Variants in HPSE2 observed in about 807,000 individuals in gnomAD.
The protein encoded by HPSE2 is inactive heparanase-2.
A neutral mutation model predicts 60.5 loss-of-function variants in HPSE2; 38 were observed. The ratio of observed to expected loss-of-function variants is 0.63; its 90% CI spans 0.48 to 0.82. The LOEUF is 0.82. Among genes scored for constraint, HPSE2 ranks in the 40% least tolerant of loss-of-function variants. The pLI, the probability that HPSE2 is intolerant of heterozygous loss-of-function variation, is 0.00. For missense variants in HPSE2, 713 were observed against 740.4 expected, an observed-to-expected ratio of 0.96 and a Z score of 0.43; for synonymous variants, 295 against 293.2, an observed-to-expected ratio of 1.01 and a Z score of -0.06.
chr10:98,647,122 T>C (rs1263954976), intron 6 of HPSE2, among the ~76,000 whole-genome samples: 1 of 152,210 alleles, frequency 6.6e-6, no homozygotes, highest in Non-Finnish European at 1.5e-5. Flanking sequence ...AATTTCATTC[T>C]GGCCATTTAG....
At chr10:98,482,547 G>C in intron 11 of HPSE2, 89 bp downstream of exon 11, 1 of 1,526,014 alleles carries the variant, frequency 6.6e-7, no homozygotes, top group Non-Finnish European at 9.1e-7. Context: ...GCCCTTGAGA[G>C]AATTAGCAGC....
the HPSE2 span, among the ~76,000 whole-genome samples, chr10:99,304,970 C>A: frequency 6.6e-6 from 1 of 152,218 alleles, no homozygotes; most frequent in East Asian, 1.9e-4. Context: ...TGAATACTTA[C>A]TATTTAGGAA....
At chr10:99,006,640 T>C (rs1186360949) in intron 3 of HPSE2, among the ~76,000 whole-genome samples, 2 of 151,882 alleles carry the variant, frequency 1.3e-5, no homozygotes, top group East Asian at 2.0e-4. Flanking sequence ...GTTTGGTCTA[T>C]AGGTACCAGC....
At chr10:98,631,505 C>T (rs1452038111) in intron 7 of HPSE2, among the ~76,000 whole-genome samples, 1 of 152,198 alleles carries the variant, frequency 6.6e-6, no homozygotes, top group East Asian at 1.9e-4. Context: ...ACTTACAAGT[C>T]ATAGGTTCCA....
chr10:98,999,166 T>C (rs1956718735), intron 3 of HPSE2, among the ~76,000 whole-genome samples: 1 of 151,192 alleles, frequency 6.6e-6, no homozygotes, highest in South Asian at 2.1e-4. Context: ...CGTGTGTGTG[T>C]GTGTGTGTGT....
At chr10:99,153,515 A>G (rs569727506) in intron 2 of HPSE2, among the ~76,000 whole-genome samples, 1 of 151,970 alleles carries the variant, frequency 6.6e-6, no homozygotes, top group Non-Finnish European at 1.5e-5. Context: ...ACGGCAGGGT[A>G]TTCCAACAGA....
At chr10:98,847,277 C>A (rs1176067411) in intron 3 of HPSE2, among the ~76,000 whole-genome samples, 1 of 152,118 alleles carries the variant, frequency 6.6e-6, no homozygotes, top group Admixed American at 6.5e-5. Flanking sequence ...TAATTCTAAT[C>A]GTAATAGTAG....
intron 3 of HPSE2, among the ~76,000 whole-genome samples, chr10:98,997,668 T>C (rs917668001): frequency 6.6e-6 from 1 of 152,210 alleles, no homozygotes; most frequent in Non-Finnish European, 1.5e-5. Flanking sequence ...ATCCTAAGTG[T>C]TTTACAAACC....
intron 9 of HPSE2, among the ~76,000 whole-genome samples, chr10:98,576,041 T>C (rs1360938147): frequency 6.6e-6 from 1 of 152,186 alleles, no homozygotes; most frequent in East Asian, 1.9e-4. Context: ...CTTTTGTTTC[T>C]GAGTAGAATG....
chr10:98,671,202 G>C (rs1462740191), intron 6 of HPSE2, among the ~76,000 whole-genome samples: 1 of 152,086 alleles, frequency 6.6e-6, no homozygotes. Flanking sequence ...GGTTCTACAC[G>C]AGGAACATAA....
intron 2 of HPSE2, among the ~76,000 whole-genome samples, chr10:99,195,462 AC>A (rs1848363444): frequency 6.6e-6 from 1 of 152,034 alleles, no homozygotes; most frequent in Non-Finnish European, 1.5e-5. Context: ...TTGGAAAAAA[AC>A]AAAGACTCCA....
chr10:99,166,064 G>A (rs1419839702), intron 2 of HPSE2, among the ~76,000 whole-genome samples: 1 of 152,128 alleles, frequency 6.6e-6, no homozygotes, highest in Non-Finnish European at 1.5e-5. Context: ...TATACAATAT[G>A]TAGCCTTTGG....
intron 3 of HPSE2, among the ~76,000 whole-genome samples, chr10:99,112,189 C>A (rs1272021118): frequency 2.0e-5 from 3 of 152,182 alleles, no homozygotes; most frequent in African/African-American, 7.2e-5. Flanking sequence ...CTCCCTAATA[C>A]AGTAACAATA....
intron 2 of HPSE2, among the ~76,000 whole-genome samples, chr10:99,177,701 TAGACAGATCAATG>T (rs1363870118): frequency 1.3e-5 from 2 of 152,068 alleles, no homozygotes; most frequent in Non-Finnish European, 1.5e-5. Context: ...CTGTCAATAT[TAGACAGATCAATG>T]AGACAGAAAA....
At chr10:99,201,596 C>G (rs1156803573) in intron 2 of HPSE2, among the ~76,000 whole-genome samples, 1 of 152,076 alleles carries the variant, frequency 6.6e-6, no homozygotes, top group Admixed American at 6.6e-5. Flanking sequence ...ACAACTAGTT[C>G]CTAAACTACA....
rs183516431 is a variant in HPSE2 at position 99,136,198 on chromosome 10, G to A, written c.610+8040C>T. Reference sequence around the variant, plus strand: ...CCCAAGTCTAAACCAGGAAGAAGTCGAATCTCTGAAAAAACCAATAATAAG... The same window carrying A: ...CCCAAGTCTAAACCAGGAAGAAGTCAAATCTCTGAAAAAACCAATAATAAG... On this transcript the variant is annotated intron_variant, in intron 3 of 11. Coordinates refer to ENST00000370552, the MANE Select transcript of HPSE2 (RefSeq NM_021828.5). Among the ~76,000 whole-genome samples, 527 of 152,180 alleles carry A rather than the reference G, an allele frequency of 3.5e-3. 3 individuals are homozygous for A. Among genetic ancestry groups the A allele is most frequent in the African/African-American group, 0.012 (502 of 41,518 alleles).
At chr10:98,509,145 CT>C (rs1942301162) in intron 9 of HPSE2, among the ~76,000 whole-genome samples, 1 of 152,026 alleles carries the variant, frequency 6.6e-6, no homozygotes, top group African/African-American at 2.4e-5. Context: ...GAAACACTGT[CT>C]CTACTAAAAA....
At chr10:98,760,513 G>A (rs920060390) in intron 3 of HPSE2, among the ~76,000 whole-genome samples, 1 of 152,046 alleles carries the variant, frequency 6.6e-6, no homozygotes, top group African/African-American at 2.4e-5. Context: ...CATAAAGAAT[G>A]TTGAATTTTA....
intron 3 of HPSE2, among the ~76,000 whole-genome samples, chr10:98,949,080 A>T (rs900960106): frequency 6.6e-6 from 1 of 152,098 alleles, no homozygotes; most frequent in Non-Finnish European, 1.5e-5. Flanking sequence ...CCGTGTTTTC[A>T]GGGGTCAACT....
Sources: gnomAD v4.1 joint callset for allele counts (sites outside exome capture counted in the v4.1 genomes callset) on GRCh38, gnomAD v4.1.1 for gene constraint, MANE v1.5 for transcripts, NCBI Gene and HGNC (gene_info 2026-07-23, HGNC 2026-07-21) for gene names.